IKZF1: variants seen among roughly 807,000 people sequenced by gnomAD.
IKZF1 encodes the protein IKAROS family zinc finger 1.
In IKZF1, 10 loss-of-function variants were observed where a neutral mutation model predicts 51.7. That is an observed-to-expected ratio of 0.19 (90% CI 0.12 to 0.33). The LOEUF (loss-of-function observed/expected upper bound fraction) is 0.33, where lower values mean the gene tolerates loss of function less well. Ranked by LOEUF, IKZF1 falls within the 10% of genes least tolerant of loss-of-function variation. The probability of loss-of-function intolerance (pLI) is 1.00; values close to 1 mark genes in which losing one functional copy is unlikely to be tolerated. For synonymous variants in IKZF1, 280 were observed against 282.3 expected (o/e 0.99, Z 0.08); for missense variants, 484 against 707.5 (o/e 0.68, Z 3.58).
chr7:50,366,310 A>G (rs1806931493), intron 3 of IKZF1, among the ~76,000 whole-genome samples: 1 of 152,246 alleles, frequency 6.6e-6, no homozygotes, highest in African/African-American at 2.4e-5. Flanking sequence ...CTTCATATTC[A>G]ATGGCAATGT....
At chr7:50,396,924 T>C (rs1816861501) in intron 7 of IKZF1, among the ~76,000 whole-genome samples, 1 of 152,236 alleles carries the variant, frequency 6.6e-6, no homozygotes, top group South Asian at 2.1e-4. Flanking sequence ...TCCCCTTCAG[T>C]GTAGACCACA....
Position 50,401,148 on chromosome 7 carries a change from A to C in IKZF1, c.*521A>C. ...GTGCCAAGACACAGCAGGGCCAACAACCTGTGCCCAGGCCAGCTTCGAGCT... is the reference window on the plus strand; with the variant it reads ...GTGCCAAGACACAGCAGGGCCAACACCCTGTGCCCAGGCCAGCTTCGAGCT... On this transcript the variant is annotated 3_prime_UTR_variant, in exon 8 of 8. Coordinates refer to ENST00000331340, the MANE Select transcript of IKZF1 (RefSeq NM_006060.6). The C allele has an allele frequency of 4.1e-6, 1 of 242,438 alleles. No individual in the cohort carries two copies. The highest frequency in any genetic ancestry group is 8.0e-6 in the Non-Finnish European group (1 of 125,080). The allele number at this position is 242,438 out of a possible 1,614,324, so 15.0% of individuals were successfully genotyped here. A position where few individuals can be genotyped will look rare whatever the true frequency, so the allele number is the denominator to read the frequency against.
intron 1 of IKZF1, among the ~76,000 whole-genome samples, chr7:50,307,203 TAATG>T (rs1201077773): frequency 1.3e-5 from 2 of 152,232 alleles, no homozygotes; most frequent in African/African-American, 4.8e-5. Context: ...TTGTACGTAT[TAATG>T]TAATGTAACT....
At position 50,403,517 on chromosome 7, in the gene IKZF1, C is replaced by G. The variant is rs2153522402; in HGVS notation, c.*2890C>G. Reference sequence around the variant, plus strand: ...CGCTGTGTCTTGTTCCGCCCCCTCCCTGACACCCCAGCTTCCCAGGATGTG... The same window carrying G: ...CGCTGTGTCTTGTTCCGCCCCCTCCGTGACACCCCAGCTTCCCAGGATGTG... On this transcript the variant is annotated 3_prime_UTR_variant, in exon 8 of 8. Transcript: ENST00000331340. The G allele has an allele frequency of 4.4e-6, 1 of 229,562 alleles. No individual in the cohort carries two copies. Among genetic ancestry groups the G allele is most frequent in the East Asian group, 6.2e-5 (1 of 16,256 alleles). The allele number at this position is 229,562 out of a possible 1,614,324, so 14.2% of individuals were successfully genotyped here.
intron 7 of IKZF1, among the ~76,000 whole-genome samples, chr7:50,393,526 A>C (rs989159120): frequency 6.6e-6 from 1 of 152,022 alleles, no homozygotes; most frequent in Non-Finnish European, 1.5e-5. Context: ...TTGATTAATT[A>C]GAGGTTTGTC....
chr7:50,332,783 A>T (rs1291474776), intron 3 of IKZF1, among the ~76,000 whole-genome samples: 1 of 152,228 alleles, frequency 6.6e-6, no homozygotes, highest in African/African-American at 2.4e-5. Context: ...GGCAGTAGTT[A>T]TTCAGGCGGG....
chr7:50,324,487 C>T (rs1794322217), intron 2 of IKZF1, among the ~76,000 whole-genome samples: 1 of 152,158 alleles, frequency 6.6e-6, no homozygotes, highest in African/African-American at 2.4e-5. Context: ...CCCTTCTCCC[C>T]ATGTGGTTTC....
At chr7:50,319,275 T>C (rs1298307740) in intron 2 of IKZF1, among the ~76,000 whole-genome samples, 174 bp downstream of exon 2, 2 of 152,160 alleles carry the variant, frequency 1.3e-5, no homozygotes, top group African/African-American at 4.8e-5. Context: ...TTATCTCACT[T>C]TGAGCTGAAC....
chr7:50,378,323 G>A (rs530388724), intron 4 of IKZF1, among the ~76,000 whole-genome samples: 2 of 152,152 alleles, frequency 1.3e-5, no homozygotes, highest in South Asian at 2.1e-4. Context: ...TGAAATAGAC[G>A]GATCACACTC....
chr7:50,370,937 G>A (rs375636965), intron 3 of IKZF1, among the ~76,000 whole-genome samples: 8 of 152,258 alleles, frequency 5.3e-5, no homozygotes, highest in South Asian at 4.1e-4. Context: ...TTCCAGCTCC[G>A]AGTAACAGAG....
chr7:50,311,657 C>T (rs897068132), intron 1 of IKZF1, among the ~76,000 whole-genome samples: 8 of 152,182 alleles, frequency 5.3e-5, no homozygotes, highest in African/African-American at 1.9e-4. Flanking sequence ...TTCAGTTTTA[C>T]AGGTGCATTG....
chr7:50,317,351 CG>C (rs1185997304), intron 1 of IKZF1, among the ~76,000 whole-genome samples: 7 of 152,188 alleles, frequency 4.6e-5, no homozygotes, highest in African/African-American at 1.4e-4. Context: ...TAGTGTGGCA[CG>C]GCTGTTACAA....
Position 50,342,233 on chromosome 7 carries a change from T to C in IKZF1, c.160+14476T>C, listed in dbSNP as rs1010657819. Among the ~76,000 whole-genome samples the C allele has an allele frequency of 8.5e-5, 13 of 152,394 alleles. No individual in the cohort carries two copies. The East Asian group carries it at 2.3e-3, about 27-fold the overall frequency. On this transcript the variant is annotated intron_variant, in intron 3 of 7. Coordinates refer to ENST00000331340, the MANE Select transcript of IKZF1 (RefSeq NM_006060.6). Reference sequence around the variant, plus strand: ...GTAGCTGTGTTTTAAGTACAGGTCTTGTACTTGTAGGCATTTTGGTTAAGT... The same window carrying C: ...GTAGCTGTGTTTTAAGTACAGGTCTCGTACTTGTAGGCATTTTGGTTAAGT...
At chr7:50,365,666 C>T (rs1359795027) in intron 3 of IKZF1, among the ~76,000 whole-genome samples, 1 of 152,154 alleles carries the variant, frequency 6.6e-6, no homozygotes, top group Non-Finnish European at 1.5e-5. Context: ...GAAAAAGGAA[C>T]GCTTATACAC....
chr7:50,377,571 G>A (rs990308575), intron 4 of IKZF1, among the ~76,000 whole-genome samples: 11 of 152,336 alleles, frequency 7.2e-5, no homozygotes, highest in Admixed American at 2.0e-4. Flanking sequence ...AGCTGGCCGC[G>A]CTCTGCCACT....
chr7:50,303,801 C>T (rs1372524655), upstream of IKZF1, among the ~76,000 whole-genome samples: 1 of 151,280 alleles, frequency 6.6e-6, no homozygotes, highest in Non-Finnish European at 1.5e-5. This position sits in a 1 kb window ranked among gnomAD's most constrained non-coding sequence, Gnocchi z 4.7. Flanking sequence ...CGACCAGCGG[C>T]CCCGGGTGCA....
At chr7:50,379,648 T>C (rs1283736114) in intron 4 of IKZF1, among the ~76,000 whole-genome samples, 14 of 152,154 alleles carry the variant, frequency 9.2e-5, no homozygotes, top group Admixed American at 9.2e-4. Context: ...ACCAAGAAGA[T>C]TGTCTGTGCC....
chr7:50,308,614 A>G (rs1439183430), intron 1 of IKZF1: 1 of 152,258 alleles, frequency 6.6e-6, no homozygotes, highest in East Asian at 1.9e-4. Flanking sequence ...TGGTTAGGAC[A>G]GGAAGCACAG....
chr7:50,338,086 T>A (rs1004246478), intron 3 of IKZF1, among the ~76,000 whole-genome samples: 149 of 151,576 alleles, frequency 9.8e-4, no homozygotes, highest in African/African-American at 2.5e-3. Flanking sequence ...ATGTGAATTT[T>A]AAAAAAAAAC....
Sources: gnomAD v4.1 joint callset for allele counts (sites outside exome capture counted in the v4.1 genomes callset) on GRCh38, gnomAD v4.1.1 for gene constraint, Gnocchi (gnomAD v3.1) non-coding constraint, MANE v1.5 for transcripts, NCBI Gene and HGNC (gene_info 2026-07-23, HGNC 2026-07-21) for gene names.